Variants in CSMD3 observed in about 807,000 individuals in gnomAD.
The protein encoded by CSMD3 is CUB and Sushi multiple domains 3.
CSMD3 carries 177 observed loss-of-function variants against 435.2 expected under a neutral mutation model. The ratio of observed to expected loss-of-function variants is 0.41; its 90% CI spans 0.36 to 0.46. CSMD3 has a LOEUF of 0.46. CSMD3 is among the 20% of genes least tolerant of loss of function. The pLI is 0.34. For synonymous variants in CSMD3, 1,656 were observed against 1,520.5 expected, an observed-to-expected ratio of 1.09 and a Z score of -2.07; for missense variants, 4,265 against 4,504.6, an observed-to-expected ratio of 0.95 and a Z score of 1.52.
chr8:113,067,069 A>G (rs2088891119), intron 5 of CSMD3, among the ~76,000 whole-genome samples: 1 of 152,146 alleles, frequency 6.6e-6, no homozygotes, highest in Non-Finnish European at 1.5e-5. Flanking sequence ...ACAAGTGAAG[A>G]AAAAGAGAAT....
rs999096589 is a variant in CSMD3 at position 112,677,666 on chromosome 8, A to G, written c.2677+4776T>C. Among the ~76,000 whole-genome samples the G allele has an allele frequency of 2.6e-4, 39 of 151,842 alleles. 2 individuals carry two copies. The highest frequency in any genetic ancestry group is 2.4e-3 in the Admixed American group (36 of 15,192). ...AATTTGAAATGATCATTTGGGGGAG[A>G]ATGCACAATTCAAGATATGATGTTC... On this transcript the variant is annotated intron_variant, in intron 16 of 70. Transcript: ENST00000297405.
chr8:112,308,422 T>G (rs572321947), intron 50 of CSMD3, among the ~76,000 whole-genome samples: 1 of 152,176 alleles, frequency 6.6e-6, no homozygotes, highest in Non-Finnish European at 1.5e-5. Context: ...ATTTTAGAAC[T>G]AAAAAGAGAC....
intron 31 of CSMD3, among the ~76,000 whole-genome samples, chr8:112,474,658 C>T (rs900182564): frequency 6.6e-6 from 1 of 152,040 alleles, no homozygotes; most frequent in Admixed American, 6.6e-5. Context: ...TTTTAAAGAG[C>T]ACTGCATGCA....
At chr8:112,806,611 G>T (rs1400960815) in intron 12 of CSMD3, among the ~76,000 whole-genome samples, 1 of 152,144 alleles carries the variant, frequency 6.6e-6, no homozygotes, top group Non-Finnish European at 1.5e-5. Flanking sequence ...TCTTTTACCA[G>T]ATCCTGATCA....
chr8:113,068,834 G>C (rs2088975143), intron 5 of CSMD3, among the ~76,000 whole-genome samples: 1 of 151,702 alleles, frequency 6.6e-6, no homozygotes, highest in African/African-American at 2.4e-5. Flanking sequence ...TGATGTTCTT[G>C]CTATTTTTTC....
rs2082445079 is a variant in CSMD3, at chr8:112,912,310, AT to A, written c.1633+9316del. On this transcript the variant is annotated intron_variant, in intron 10 of 70. Transcript: ENST00000297405. ...GATTGCTGGATCATATGGTAATTCT[AT>A]TTTTATTTTTTTCAGGAATCTGCAT... is the stretch of plus-strand genomic sequence containing the variant. Among the ~76,000 whole-genome samples the A allele has an allele frequency of 2.0e-5, 3 of 151,022 alleles. No individual in the cohort carries two copies. In the South Asian group the frequency reaches 6.3e-4, roughly 32 times the overall value.
intron 22 of CSMD3, among the ~76,000 whole-genome samples, chr8:112,622,480 A>G (rs759901577): frequency 8.5e-5 from 13 of 152,182 alleles, no homozygotes; most frequent in Admixed American, 3.9e-4. Flanking sequence ...AACAATGTAC[A>G]ATGTTCTCCA....
At chr8:113,080,206 T>G (rs1038324473) in intron 5 of CSMD3, among the ~76,000 whole-genome samples, 13 of 152,168 alleles carry the variant, frequency 8.5e-5, no homozygotes, top group Non-Finnish European at 8.8e-5. Context: ...TCCACTCAAC[T>G]ATACACATGG....
chr8:112,860,682 A>G (rs2080802317), intron 10 of CSMD3, among the ~76,000 whole-genome samples: 1 of 151,808 alleles, frequency 6.6e-6, no homozygotes, highest in Admixed American at 6.6e-5. Context: ...CAAAATATTG[A>G]TAATATTGAT....
intron 12 of CSMD3, among the ~76,000 whole-genome samples, chr8:112,822,982 G>C (rs528048507): frequency 6.6e-6 from 1 of 152,290 alleles, no homozygotes; most frequent in Admixed American, 6.5e-5. Context: ...CGGGGATGAA[G>C]CTGACTCGAT....
At chr8:113,340,222 C>T (rs2094108753) in intron 1 of CSMD3, among the ~76,000 whole-genome samples, 1 of 151,998 alleles carries the variant, frequency 6.6e-6, no homozygotes, top group African/African-American at 2.4e-5. Context: ...GCAAAATATG[C>T]ATCCTTGATT....
chr8:112,712,917 T>G lies in CSMD3; in HGVS notation c.1973-22867A>C, dbSNP rs1032975920. Among the ~76,000 whole-genome samples, 9 of 152,234 alleles carry G rather than the reference T, an allele frequency of 5.9e-5. No individual in the cohort carries two copies. The East Asian group carries it at 1.2e-3, about 20-fold the overall frequency. Reference sequence around the variant, plus strand: ...CTCAACATTTGGGGAAGCTGGTTATTAGTCTGTCCTTAAAAATAGATTCTA... The same window carrying G: ...CTCAACATTTGGGGAAGCTGGTTATGAGTCTGTCCTTAAAAATAGATTCTA... On this transcript the variant is annotated intron_variant, in intron 13 of 70. Transcript: ENST00000297405.
chr8:112,300,425 TTTTA>T (rs1820808720), intron 53 of CSMD3, among the ~76,000 whole-genome samples: 1 of 151,560 alleles, frequency 6.6e-6, no homozygotes, highest in African/African-American at 2.4e-5. Context: ...TTTTTTGAGT[TTTTA>T]TTTGATTATA....
intron 13 of CSMD3, among the ~76,000 whole-genome samples, chr8:112,753,579 C>T (rs2077623642): frequency 6.6e-6 from 1 of 152,070 alleles, no homozygotes; most frequent in Non-Finnish European, 1.5e-5. Flanking sequence ...CCTCTATATG[C>T]CAGGAGTTCT....
intron 1 of CSMD3, among the ~76,000 whole-genome samples, chr8:113,341,589 G>A (rs921966510): frequency 2.0e-5 from 3 of 152,022 alleles, no homozygotes; most frequent in African/African-American, 7.2e-5. Flanking sequence ...ATATATATAT[G>A]AGACATGCTA....
At chr8:113,375,319 T>A (rs2094374244) in intron 1 of CSMD3, among the ~76,000 whole-genome samples, 1 of 152,160 alleles carries the variant, frequency 6.6e-6, no homozygotes, top group Non-Finnish European at 1.5e-5. Context: ...TATCAGTCAG[T>A]TAACAAACAG....
Position 113,189,597 on chromosome 8 carries a change from T to C in CSMD3, c.515-15681A>G, listed in dbSNP as rs550937999. Among the ~76,000 whole-genome samples, 10 of 152,004 alleles carry C rather than the reference T, an allele frequency of 6.6e-5. No homozygotes were observed. In the East Asian group the frequency reaches 1.2e-3, roughly 18 times the overall value. ...GAAATGTATTGTGTGCTAATTGCCA[T>C]TGATTATTAATAATATGCTTATTTA... On this transcript the variant is annotated intron_variant, in intron 3 of 70. Transcript: ENST00000297405.
At chr8:112,421,295 C>A (rs185162020) in intron 32 of CSMD3, among the ~76,000 whole-genome samples, 2 of 151,980 alleles carry the variant, frequency 1.3e-5, no homozygotes, top group Non-Finnish European at 2.9e-5. Context: ...GTAATCCCAG[C>A]ATTTTGAGAG....
intron 10 of CSMD3, among the ~76,000 whole-genome samples, chr8:112,881,720 TAAC>T (rs1369914165): frequency 3.3e-5 from 5 of 151,996 alleles, no homozygotes; most frequent in East Asian, 3.9e-4. Flanking sequence ...TTTTCCTGCT[TAAC>T]AACAAGTAGA....
Sources: gnomAD v4.1 joint callset for allele counts (sites outside exome capture counted in the v4.1 genomes callset) on GRCh38, gnomAD v4.1.1 for gene constraint, MANE v1.5 for transcripts, NCBI Gene and HGNC (gene_info 2026-07-23, HGNC 2026-07-21) for gene names.